The following AGPAT1 variants were observed in gnomAD, a reference collection of about 807,000 sequenced individuals.
AGPAT1 encodes the protein 1-acylglycerol-3-phosphate O-acyltransferase 1.
Under a neutral mutation model 31.2 loss-of-function variants are expected in AGPAT1, and 6 were observed. The observed-to-expected ratio is 0.19, with a 90% CI of 0.11 to 0.38. The LOEUF (loss-of-function observed/expected upper bound fraction) is 0.38, where lower values mean the gene tolerates loss of function less well. AGPAT1 is among the 10% of genes least tolerant of loss of function. AGPAT1 has a pLI of 1.00. For missense variants in AGPAT1, 187 were observed against 377.8 expected (o/e 0.49, Z 4.19); for synonymous variants, 139 against 154.0 (o/e 0.90, Z 0.72).
Position 32,174,254 on chromosome 6 carries a change from G to A in AGPAT1, c.-10+1560C>T, listed in dbSNP as rs1367855942. Among the ~76,000 whole-genome samples, 1 of 152,172 alleles carries A rather than the reference G, an allele frequency of 6.6e-6. No homozygotes were observed. Among genetic ancestry groups the A allele is most frequent in the Non-Finnish European group, 1.5e-5 (1 of 68,032 alleles). On this transcript the variant is annotated intron_variant, in intron 1 of 6. Coordinates refer to ENST00000375107, the MANE Select transcript of AGPAT1 (RefSeq NM_006411.4). The surrounding 1 kb of genome is among the most constrained non-coding windows in gnomAD (Gnocchi z 4.5). Reference sequence around the variant, plus strand: ...CTGTATACCCACCCATAGAGCCACAGTTAATGACAGAGATGGCGGTTCTGA... The same window carrying A: ...CTGTATACCCACCCATAGAGCCACAATTAATGACAGAGATGGCGGTTCTGA...
Position 32,171,737 on chromosome 6 carries a change from CAGACA to C in AGPAT1, c.-9-237_-9-233del, listed in dbSNP as rs1345799454. Reference sequence around the variant, plus strand: ...TCTTCCCAAAGGCTCCGGATATATTCAGACAAGAGACACAAGACACAGACATCTAC... The same window carrying C: ...TCTTCCCAAAGGCTCCGGATATATTCAGAGACACAAGACACAGACATCTAC... On this transcript the variant is annotated intron_variant, in intron 1 of 6. Coordinates refer to ENST00000375107, the MANE Select transcript of AGPAT1 (RefSeq NM_006411.4). This position sits in a 1 kb window ranked among gnomAD's most constrained non-coding sequence, Gnocchi z 6.9. 4 of 601,520 alleles carry C rather than the reference CAGACA, an allele frequency of 6.6e-6. No individual in the cohort carries two copies. In the African/African-American group the frequency reaches 7.4e-5, roughly 11 times the overall value. 37.3% of individuals were successfully genotyped at this position (601,520 alleles called of 1,614,324 possible).
chr6:32,174,337 GA>G lies in AGPAT1; in HGVS notation c.-10+1476del, dbSNP rs2127420662. On this transcript the variant is annotated intron_variant, in intron 1 of 6. Transcript: ENST00000375107. This position sits in a 1 kb window ranked among gnomAD's most constrained non-coding sequence, Gnocchi z 4.5. ...AGTGACTACTAAAAGAAGTCACTGA[GA>G]AAGTAACGAACACACCAAGCCTAAT... 1.3e-5 allele frequency among the ~76,000 whole-genome samples: 2 copies of G among 152,284 alleles called. No homozygotes were observed. The highest frequency in any genetic ancestry group is 4.1e-4 in the South Asian group (2 of 4,830).
chr6:32,177,318 C>G, upstream of AGPAT1: 1 of 384,016 alleles, frequency 2.6e-6, no homozygotes, highest in Non-Finnish European at 4.6e-6. Flanking sequence ...GGAAGAAGAC[C>G]CTATTTCTGA....
chr6:32,175,359 G>C lies in AGPAT1; in HGVS notation c.-10+455C>G. ...AAAACATGGCTCCCATAAGGCATTT[G>C]TGTGTCAGTAAGGGTCTAGCAGTGT... On this transcript the variant is annotated intron_variant, in intron 1 of 6. Transcript: ENST00000375107. This position sits in a 1 kb window ranked among gnomAD's most constrained non-coding sequence, Gnocchi z 4.5. Among the ~76,000 whole-genome samples, 1 of 152,182 alleles carries C rather than the reference G, an allele frequency of 6.6e-6. No homozygotes were observed. Among genetic ancestry groups the C allele is most frequent in the Non-Finnish European group, 1.5e-5 (1 of 68,028 alleles).
At position 32,169,573 on chromosome 6, in the gene AGPAT1, C is replaced by T. The variant is rs937979111; in HGVS notation, c.680-125G>A. The stretch of plus-strand genomic sequence containing the variant: ...TCTTCCCCCAACCCTGGACAACCAT[C>T]CCTGGGCTTGCCAGCTGCCACTTCT... On this transcript the variant is annotated intron_variant, in intron 6 of 6. Coordinates refer to ENST00000375107, the MANE Select transcript of AGPAT1 (RefSeq NM_006411.4). This position sits in a 1 kb window ranked among gnomAD's most constrained non-coding sequence, Gnocchi z 5.9. 75 of 1,243,936 alleles carry T rather than the reference C, an allele frequency of 6.0e-5. No homozygotes were observed. The African/African-American group carries it at 1.0e-3, about 17-fold the overall frequency. The allele number at this position is 1,243,936 out of a possible 1,614,324, so 77.1% of individuals were successfully genotyped here. A position where few individuals can be genotyped will look rare whatever the true frequency, so the allele number is the denominator to read the frequency against.
Position 32,169,183 on chromosome 6 carries a change from G to T in AGPAT1, c.*93C>A. ...GAATAAGTGGGGAGAGGGGAGACAA[G>T]GAAGAGGGTTTGGCCCTGCTTCAGG... On this transcript the variant is annotated 3_prime_UTR_variant, in exon 7 of 7. Transcript: ENST00000375107. This position sits in a 1 kb window ranked among gnomAD's most constrained non-coding sequence, Gnocchi z 5.9. 1 of 1,347,852 alleles carries T rather than the reference G, an allele frequency of 7.4e-7. No individual in the cohort carries two copies. The highest frequency in any genetic ancestry group is 2.3e-5 in the East Asian group (1 of 43,026). The allele number at this position is 1,347,852 out of a possible 1,614,324, so 83.5% of individuals were successfully genotyped here.
chr6:32,171,136 C>T lies in AGPAT1; in HGVS notation c.201-66G>A. 1 of 1,591,640 alleles carries T rather than the reference C, an allele frequency of 6.3e-7. No individual in the cohort carries two copies. On this transcript the variant is annotated intron_variant, in intron 2 of 6. Transcript: ENST00000375107. The surrounding 1 kb of genome is among the most constrained non-coding windows in gnomAD (Gnocchi z 6.9). ...TGTCCATCTGCATGCCTCAGCTCCC[C>T]CCACCTTACTGTCTTTCTGACCACC...
rs1221592927 is a variant in AGPAT1 at position 32,174,821 on chromosome 6, C to A, written c.-10+993G>T. Among the ~76,000 whole-genome samples, 1 of 152,188 alleles carries A rather than the reference C, an allele frequency of 6.6e-6. No homozygotes were observed. The highest frequency in any genetic ancestry group is 1.9e-4 in the East Asian group (1 of 5,204). ...TGGAGGGCCAAATTTAATGAGCATA[C>A]GGCTCACAAAATATACTGATGACAA... On this transcript the variant is annotated intron_variant, in intron 1 of 6. Coordinates refer to ENST00000375107, the MANE Select transcript of AGPAT1 (RefSeq NM_006411.4). The surrounding 1 kb of genome is among the most constrained non-coding windows in gnomAD (Gnocchi z 4.5).
chr6:32,171,490 A>G lies in AGPAT1; in HGVS notation c.7T>C (p.Leu3=), dbSNP rs1465183449. The G allele has an allele frequency of 3.8e-6, 6 of 1,590,034 alleles. No individual in the cohort carries two copies. Among genetic ancestry groups the G allele is most frequent in the African/African-American group, 2.7e-5 (2 of 74,592 alleles). ...AGCAGCATCCATGCCCCTGGCCACA[A>G]ATCCATTCTGGCCACCTGCAGGGGA... is the stretch of plus-strand genomic sequence containing the variant. The part of the protein sequence containing the change: MD[L]WPGAWMLLLL... Residue 3 remains leucine, a synonymous_variant, in exon 2 of 7, where the codon TTG becomes CTG. Transcript: ENST00000375107. This position sits in a 1 kb window ranked among gnomAD's most constrained non-coding sequence, Gnocchi z 6.9.
rs1216236970 is a variant in AGPAT1 at position 32,175,827 on chromosome 6, G to A, written c.-23C>T. 3.0e-6 allele frequency: 3 copies of A among 985,784 alleles called. No individual in the cohort carries two copies. The highest frequency in any genetic ancestry group is 6.1e-5 in the Admixed American group (1 of 16,268). 61.1% of individuals were successfully genotyped at this position (985,784 alleles called of 1,614,324 possible). A position where few individuals can be genotyped will look rare whatever the true frequency, so the allele number is the denominator to read the frequency against. ...TCCCGCCCACACCTCAGAGGGGTAGGGGGCCTGGGGGGCTGGCCCCCTCCC... is the reference window on the plus strand; with the variant it reads ...TCCCGCCCACACCTCAGAGGGGTAGAGGGCCTGGGGGGCTGGCCCCCTCCC... On this transcript the variant is annotated 5_prime_UTR_variant, in exon 1 of 7. Transcript: ENST00000375107. This position sits in a 1 kb window ranked among gnomAD's most constrained non-coding sequence, Gnocchi z 4.5.
chr6:32,174,443 C>T lies in AGPAT1; in HGVS notation c.-10+1371G>A, dbSNP rs1201274571. 6.6e-6 allele frequency among the ~76,000 whole-genome samples: 1 copy of T among 152,194 alleles called. No homozygotes were observed. The highest frequency in any genetic ancestry group is 1.5e-5 in the Non-Finnish European group (1 of 68,044). ...AACAATAATCAGGAAGAGGTCATCTCACAAGAGAAATGTACCGAATGGGAT... is the reference window on the plus strand; with the variant it reads ...AACAATAATCAGGAAGAGGTCATCTTACAAGAGAAATGTACCGAATGGGAT... On this transcript the variant is annotated intron_variant, in intron 1 of 6. Transcript: ENST00000375107. This position sits in a 1 kb window ranked among gnomAD's most constrained non-coding sequence, Gnocchi z 4.5.
Position 32,171,429 on chromosome 6 carries a change from G to GGCAGCAGGAAGAGCA in AGPAT1, c.53_67dup (p.Leu18_Leu22dup), listed in dbSNP as rs754930631. The GGCAGCAGGAAGAGCA allele has an allele frequency of 3.1e-6, 5 of 1,613,002 alleles. No homozygotes were observed. Among genetic ancestry groups the GGCAGCAGGAAGAGCA allele is most frequent in the Admixed American group, 1.7e-5 (1 of 60,012 alleles). ...ACTGGGGCTGCAGAACCACAGGGTG[G>GGCAGCAGGAAGAGCA]GCAGCAGGAAGAGCAGCAGCAGGAA... On this transcript the variant is annotated inframe_insertion, in exon 2 of 7. Transcript: ENST00000375107. The surrounding 1 kb of genome is among the most constrained non-coding windows in gnomAD (Gnocchi z 6.9).
chr6:32,174,088 C>T lies in AGPAT1; in HGVS notation c.-10+1726G>A, dbSNP rs1325277310. On this transcript the variant is annotated intron_variant, in intron 1 of 6. Coordinates refer to ENST00000375107, the MANE Select transcript of AGPAT1 (RefSeq NM_006411.4). This position sits in a 1 kb window ranked among gnomAD's most constrained non-coding sequence, Gnocchi z 4.5. ...TTAAGAACCACTGATCTTGACAACA[C>T]ACTATGTGTTGACTGGCGTTTTTGT... Among the ~76,000 whole-genome samples, 1 of 152,076 alleles carries T rather than the reference C, an allele frequency of 6.6e-6. No homozygotes were observed. The highest frequency in any genetic ancestry group is 1.5e-5 in the Non-Finnish European group (1 of 67,986).
At position 32,171,003 on chromosome 6, in the gene AGPAT1, G is replaced by A. The variant is rs1785048664; in HGVS notation, c.268C>T (p.His90Tyr). The stretch of plus-strand genomic sequence containing the variant: ...TAGGGCTGCGAGGGAGGGAAGTGGT[G>A]AGCCCCTCGCACCTCCACTCGGATC... ...YGIRVEVRGA[H>Y]HFPPSQPYVV... Residue 90 changes from histidine to tyrosine, a missense_variant, in exon 3 of 7, where the codon CAC becomes TAC. Physicochemically the swap from His to Tyr is moderately conservative, Grantham distance 83. Transcript: ENST00000375107. The surrounding 1 kb of genome is among the most constrained non-coding windows in gnomAD (Gnocchi z 6.9). 1.9e-6 allele frequency: 3 copies of A among 1,612,648 alleles called. No homozygotes were observed. The highest frequency in any genetic ancestry group is 1.3e-5 in the African/African-American group (1 of 74,848).
chr6:32,171,627 G>T lies in AGPAT1; in HGVS notation c.-9-122C>A. On this transcript the variant is annotated intron_variant, in intron 1 of 6. Coordinates refer to ENST00000375107, the MANE Select transcript of AGPAT1 (RefSeq NM_006411.4). This position sits in a 1 kb window ranked among gnomAD's most constrained non-coding sequence, Gnocchi z 6.9. ...GACAAGGGCCTGAGACACAAACTGG[G>T]GCAGGGGTCTCATTGAAACCTTCCC... is the stretch of plus-strand genomic sequence containing the variant. 7.4e-7 allele frequency: 1 copy of T among 1,343,964 alleles called. No individual in the cohort carries two copies. The highest frequency in any genetic ancestry group is 1.0e-6 in the Non-Finnish European group (1 of 992,722). The allele number at this position is 1,343,964 out of a possible 1,614,324, so 83.3% of individuals were successfully genotyped here.
At position 32,176,081 on chromosome 6, in the gene AGPAT1, CGCT is replaced by C; in HGVS notation, c.-280_-278del. On this transcript the variant is annotated 5_prime_UTR_variant, in exon 1 of 7. Coordinates refer to ENST00000375107, the MANE Select transcript of AGPAT1 (RefSeq NM_006411.4). ...CTCTGAGGGCTGGGGCTGCTGCCGC[CGCT>C]ATTCCCCCGCCACCCCTCCCCAACG... 1 of 985,494 alleles carries C rather than the reference CGCT, an allele frequency of 1.0e-6. No individual in the cohort carries two copies. The highest frequency in any genetic ancestry group is 1.2e-6 in the Non-Finnish European group (1 of 829,994). The allele number at this position is 985,494 out of a possible 1,614,324, so 61.0% of individuals were successfully genotyped here.
Position 32,170,960 on chromosome 6 carries a change from T to C in AGPAT1, c.311A>G (p.His104Arg). 1 of 1,612,252 alleles carries C rather than the reference T, an allele frequency of 6.2e-7. No individual in the cohort carries two copies. Among genetic ancestry groups the C allele is most frequent in the Non-Finnish European group, 8.5e-7 (1 of 1,179,724 alleles). The change falls in exon 3 of 7, where the codon CAC (histidine) becomes CGC (arginine). Residue 104 changes from histidine to arginine, a missense_variant. By Grantham distance (29) the His-to-Arg change is conservative (BLOSUM62 0). Coordinates refer to ENST00000375107, the MANE Select transcript of AGPAT1 (RefSeq NM_006411.4). This position sits in a 1 kb window ranked among gnomAD's most constrained non-coding sequence, Gnocchi z 7.7. ...PSQPYVVVSN[H>R]QSSLDLLGMM... ...ACCAAGCAGATCGAGAGAGCTCTGG[T>C]GGTTGGAGACAACAACATAGGGCTG...
chr6:32,175,608 C>T lies in AGPAT1; in HGVS notation c.-10+206G>A, dbSNP rs1785471371. On this transcript the variant is annotated intron_variant, in intron 1 of 6. Coordinates refer to ENST00000375107, the MANE Select transcript of AGPAT1 (RefSeq NM_006411.4). The surrounding 1 kb of genome is among the most constrained non-coding windows in gnomAD (Gnocchi z 4.5). ...CAAATTCACAAGGGTTTCCATTTCT[C>T]CTCCCTCCCAGGTCTCTTCCATCCT... is the stretch of plus-strand genomic sequence containing the variant. Among the ~76,000 whole-genome samples the T allele has an allele frequency of 6.6e-6, 1 of 152,092 alleles. No homozygotes were observed. Among genetic ancestry groups the T allele is most frequent in the Non-Finnish European group, 1.5e-5 (1 of 68,002 alleles).
Position 32,171,788 on chromosome 6 carries a change from T to C in AGPAT1, c.-9-283A>G, listed in dbSNP as rs34280838. 20,824 of 569,702 alleles carry C rather than the reference T, an allele frequency of 0.037. 614 individuals carry two copies. Among genetic ancestry groups the C allele is most frequent in the Middle Eastern group, 0.11 (238 of 2,182 alleles). The allele number at this position is 569,702 out of a possible 1,614,324, so 35.3% of individuals were successfully genotyped here. Reference sequence around the variant, plus strand: ...TCTACAATTCACAGATACCTGATAATAAATGACAACAAGAATAATAGCTAA... The same window carrying C: ...TCTACAATTCACAGATACCTGATAACAAATGACAACAAGAATAATAGCTAA... On this transcript the variant is annotated intron_variant, in intron 1 of 6. Coordinates refer to ENST00000375107, the MANE Select transcript of AGPAT1 (RefSeq NM_006411.4). This position sits in a 1 kb window ranked among gnomAD's most constrained non-coding sequence, Gnocchi z 6.9.
Sources: allele counts gnomAD v4.1 joint callset (sites outside exome capture counted in the v4.1 genomes callset), GRCh38; gene constraint gnomAD v4.1.1; non-coding constraint Gnocchi (gnomAD v3.1); transcripts MANE v1.5; gene names NCBI Gene and HGNC (gene_info 2026-07-23, HGNC 2026-07-21).